Variants in SACS observed in about 807,000 individuals in gnomAD.
SACS encodes sacsin.
SACS carries 197 observed loss-of-function variants against 348.0 expected under a neutral mutation model. The ratio of observed to expected loss-of-function variants is 0.57; its 90% CI spans 0.50 to 0.64. SACS has a LOEUF of 0.64. SACS is among the 30% of genes least tolerant of loss of function. SACS has a pLI of 0.00. For missense variants in SACS, 4,999 were observed against 5,360.8 expected (o/e 0.93, Z 2.11); for synonymous variants, 1,985 against 1,910.6 (o/e 1.04, Z -1.02).
intron 2 of SACS, among the ~76,000 whole-genome samples, chr13:23,395,296 G>A (rs779964004): frequency 3.9e-5 from 6 of 152,174 alleles, no homozygotes; most frequent in African/African-American, 7.2e-5. Flanking sequence ...CTTGATGGCT[G>A]TATGCTCCAC....
intron 1 of SACS, among the ~76,000 whole-genome samples, chr13:23,417,182 G>T (rs906226824): frequency 6.6e-6 from 1 of 152,084 alleles, no homozygotes; most frequent in Non-Finnish European, 1.5e-5. Context: ...GAACTTTAAT[G>T]AAAGACATTA....
Position 23,355,547 on chromosome 13 carries a change from A to G in SACS, c.1065T>C (p.Ala355=), listed in dbSNP as rs140441420. 5.0e-6 allele frequency: 8 copies of G among 1,614,160 alleles called. No homozygotes were observed. Among genetic ancestry groups the G allele is most frequent in the Non-Finnish European group, 6.8e-6 (8 of 1,180,010 alleles). ...GAGTCTTTTTACAATAGTTACTTATAGCAGTTCCCAGAATCTTTATAGAAT... is the reference window on the plus strand; with the variant it reads ...GAGTCTTTTTACAATAGTTACTTATGGCAGTTCCCAGAATCTTTATAGAAT... ...RPNSIKILGT[A]ISNYCKKTPS... is the part of the protein sequence containing the mutation. Residue 355 remains alanine, a synonymous_variant, in exon 8 of 10, where the codon GCT becomes GCC. Coordinates refer to ENST00000382292, the MANE Select transcript of SACS (RefSeq NM_014363.6).
chr13:23,414,261 A>G (rs1487442840), intron 1 of SACS, among the ~76,000 whole-genome samples: 1 of 152,202 alleles, frequency 6.6e-6, no homozygotes, highest in Admixed American at 6.5e-5. Context: ...CAGAGATCGC[A>G]CCACTGCACT....
chr13:23,333,039 T>A lies in SACS; in HGVS notation c.10837A>T (p.Thr3613Ser). Residue 3613 changes from threonine (T) to serine (S), a missense_variant, in exon 10 of 10, where the codon ACA (threonine) becomes TCA (serine). Thr to Ser is a moderately conservative substitution (Grantham distance 58). Coordinates refer to ENST00000382292, the MANE Select transcript of SACS (RefSeq NM_014363.6). ...AATGTTTCTTTGGACCAGTTTTCTG[T>A]ATTAGCCCTCACACTGATTTCCTTA... ...FAKEISVRAN[T>S]ENWSKETLQN... 4 of 1,614,028 alleles carry A rather than the reference T, an allele frequency of 2.5e-6. No individual in the cohort carries two copies. The highest frequency in any genetic ancestry group is 3.4e-6 in the Non-Finnish European group (4 of 1,179,936).
rs1883635469 is a variant in SACS at position 23,333,664 on chromosome 13, T to A, written c.10212A>T (p.Ile3404=). Residue 3404 remains isoleucine (I), a synonymous_variant, in exon 10 of 10, where the codon ATA becomes ATT. Transcript: ENST00000382292. Reference sequence around the variant, plus strand: ...AGCACGGAAGTGACTTTAGAATTTTTATATCATCTTGGGACATCAAATGAT... The same window carrying A: ...AGCACGGAAGTGACTTTAGAATTTTAATATCATCTTGGGACATCAAATGAT... ...NLNHLMSQDD[I]KILKSLPCYK... is the part of the protein sequence containing the mutation. The A allele has an allele frequency of 2.5e-6, 4 of 1,613,754 alleles. No individual in the cohort carries two copies. Among genetic ancestry groups the A allele is most frequent in the Non-Finnish European group, 1.7e-6 (2 of 1,179,804 alleles).
chr13:23,422,662 CT>C (rs66714128), intron 1 of SACS, among the ~76,000 whole-genome samples: 109,331 of 143,438 alleles, frequency 0.76, 41,545 homozygotes, highest in East Asian at 0.93. Flanking sequence ...TGTGGTGTTT[CT>C]TTTTTTTTTT....
At chr13:23,430,850 A>C (rs895217285) in intron 1 of SACS, among the ~76,000 whole-genome samples, 1 of 152,218 alleles carries the variant, frequency 6.6e-6, no homozygotes, top group African/African-American at 2.4e-5. Context: ...TAATTGGACC[A>C]CAGATCTCTC....
intron 6 of SACS, 73 bp downstream of exon 6, chr13:23,365,093 A>G: frequency 1.1e-6 from 1 of 950,506 alleles, no homozygotes; most frequent in South Asian, 1.4e-5. Context: ...TTCATTAAAC[A>G]AAGCATTATT....
At chr13:23,367,672 G>T (rs1454401740) in intron 5 of SACS, among the ~76,000 whole-genome samples, 2 of 152,116 alleles carry the variant, frequency 1.3e-5, no homozygotes, top group African/African-American at 4.8e-5. Flanking sequence ...TCGGCTCACT[G>T]CAATCTCTGC....
intron 2 of SACS, among the ~76,000 whole-genome samples, chr13:23,390,023 A>G (rs933943816): frequency 4.3e-5 from 6 of 138,408 alleles, no homozygotes; most frequent in African/African-American, 1.5e-4. Flanking sequence ...TTTTCAATGG[A>G]TTTGGTTTTT....
At chr13:23,360,754 CTTTTTT>C (rs11340654) in intron 6 of SACS, among the ~76,000 whole-genome samples, 1 of 125,330 alleles carries the variant, frequency 8.0e-6, no homozygotes, top group Non-Finnish European at 1.7e-5. Flanking sequence ...CTCCAAGGTA[CTTTTTT>C]TTTTTTTTTT....
intron 1 of SACS, among the ~76,000 whole-genome samples, chr13:23,423,955 T>C (rs1874057502): frequency 1.3e-5 from 2 of 152,144 alleles, no homozygotes. Context: ...CGAGTATCCA[T>C]CCCTAATAAC....
chr13:23,383,604 T>C (rs868827041), intron 2 of SACS, among the ~76,000 whole-genome samples: 44 of 152,250 alleles, frequency 2.9e-4, no homozygotes, highest in Middle Eastern at 3.4e-3. Context: ...CTGCAGCATC[T>C]GGCTCCTCCC....
chr13:23,341,795 T>C, intron 9 of SACS, 105 bp from the exon 10 acceptor site: 1 of 1,060,526 alleles, frequency 9.4e-7, no homozygotes, highest in Non-Finnish European at 1.3e-6. Context: ...TTTTTTTTTT[T>C]TTTTTTTTTT....
chr13:23,396,098 C>T (rs11839579), intron 2 of SACS, among the ~76,000 whole-genome samples: 10,974 of 151,956 alleles, frequency 0.072, 1,286 homozygotes, highest in African/African-American at 0.25. Flanking sequence ...CCGAGGTGGA[C>T]AGATTATTTG....
At chr13:23,416,503 A>G (rs1053109261) in intron 1 of SACS, among the ~76,000 whole-genome samples, 11 of 152,148 alleles carry the variant, frequency 7.2e-5, no homozygotes, top group African/African-American at 2.2e-4. Context: ...CACGCCTGTA[A>G]TCCTAGCACT....
intron 2 of SACS, among the ~76,000 whole-genome samples, chr13:23,380,384 A>G (rs1872005100): frequency 6.6e-6 from 1 of 152,106 alleles, no homozygotes; most frequent in African/African-American, 2.4e-5. Flanking sequence ...CTGTATTTTA[A>G]CAAAGGATTT....
chr13:23,367,061 G>A (rs141630503), intron 5 of SACS, among the ~76,000 whole-genome samples: 75 of 152,282 alleles, frequency 4.9e-4, no homozygotes, highest in African/African-American at 1.8e-3. Context: ...TCATTTCTCA[G>A]CAAGGATCCC....
At chr13:23,421,113 C>T (rs528560716) in intron 1 of SACS, among the ~76,000 whole-genome samples, 82 of 152,166 alleles carry the variant, frequency 5.4e-4, no homozygotes, top group African/African-American at 1.8e-3. Flanking sequence ...TGTTGTTCCT[C>T]TGGGGCCTTG....
Sources: allele counts gnomAD v4.1 joint callset (sites outside exome capture counted in the v4.1 genomes callset), GRCh38; gene constraint gnomAD v4.1.1; transcripts MANE v1.5; gene names NCBI Gene and HGNC (gene_info 2026-07-23, HGNC 2026-07-21).